Variants in TG observed in about 807,000 individuals in gnomAD.
The protein encoded by TG is thyroglobulin, also known as thyroid hormones.
Under a neutral mutation model 324.7 loss-of-function variants are expected in TG, and 270 were observed. The observed-to-expected ratio is 0.83, with a 90% CI of 0.75 to 0.92. The LOEUF (loss-of-function observed/expected upper bound fraction) is 0.92, where lower values mean the gene tolerates loss of function less well. Ranked by LOEUF, TG falls within the 40% of genes least tolerant of loss-of-function variation. The pLI is 0.00. For missense variants in TG, 3,591 were observed against 3,456.4 expected, an observed-to-expected ratio of 1.04 and a Z score of -0.98; for synonymous variants, 1,401 against 1,327.0, an observed-to-expected ratio of 1.06 and a Z score of -1.21.
chr8:133,046,072 G>T (rs2131161681), intron 41 of TG, among the ~76,000 whole-genome samples: 1 of 152,302 alleles, frequency 6.6e-6, no homozygotes, highest in East Asian at 1.9e-4. Flanking sequence ...ACCTGATATG[G>T]GTTGGTAAGA....
intron 35 of TG, among the ~76,000 whole-genome samples, chr8:133,009,268 G>A (rs1332512569): frequency 6.6e-6 from 1 of 152,142 alleles, no homozygotes; most frequent in Non-Finnish European, 1.5e-5. Context: ...ATGCAGCTCA[G>A]TTTGGTCATG....
intron 45 of TG, among the ~76,000 whole-genome samples, chr8:133,130,775 G>A (rs947607285): frequency 9.2e-5 from 14 of 152,180 alleles, no homozygotes; most frequent in African/African-American, 2.7e-4. Context: ...TGAGTTTGTG[G>A]TAATTTCTTA....
At chr8:132,954,472 C>G (rs1826564868) in intron 27 of TG, among the ~76,000 whole-genome samples, 2 of 152,192 alleles carry the variant, frequency 1.3e-5, no homozygotes, top group Non-Finnish European at 2.9e-5. Flanking sequence ...AGGGTGGACT[C>G]TGAGGCCAGT....
intron 45 of TG, among the ~76,000 whole-genome samples, chr8:133,129,648 C>T (rs1047545240): frequency 6.6e-6 from 1 of 152,104 alleles, no homozygotes; most frequent in Non-Finnish European, 1.5e-5. Flanking sequence ...AGGCACACGG[C>T]ACCACACCCA....
At chr8:132,882,636 G>A (rs1381631038) in intron 7 of TG, 24 bp downstream of exon 7, 1 of 1,614,104 alleles carries the variant, frequency 6.2e-7, no homozygotes, top group Non-Finnish European at 8.5e-7. Flanking sequence ...TGCCAACAAT[G>A]TGCGTGTTTC....
intron 41 of TG, chr8:133,048,911 A>G (rs557860469): frequency 4.6e-6 from 1 of 215,654 alleles, no homozygotes; most frequent in Non-Finnish European, 9.8e-6. Flanking sequence ...GTTTTGCAAG[A>G]TGAGCATGTG....
At position 133,005,063 on chromosome 8, in the gene TG, G is replaced by A. The variant is rs567555246; in HGVS notation, c.6263-6838G>A. 3.3e-5 allele frequency among the ~76,000 whole-genome samples: 5 copies of A among 152,352 alleles called. 1 individual carries two copies. The South Asian group carries it at 6.2e-4, about 19-fold the overall frequency. On this transcript the variant is annotated intron_variant, in intron 35 of 47. Transcript: ENST00000220616. Reference sequence around the variant, plus strand: ...TGAGGAAAGAAAGAACATGGTGTACGAGTGAAAAGGAGCACTGGGGGACAG... The same window carrying A: ...TGAGGAAAGAAAGAACATGGTGTACAAGTGAAAAGGAGCACTGGGGGACAG...
At chr8:133,084,459 G>A (rs764686814) in intron 41 of TG, among the ~76,000 whole-genome samples, 5 of 152,250 alleles carry the variant, frequency 3.3e-5, no homozygotes, top group East Asian at 1.9e-4. Context: ...GAAATAAGAG[G>A]GCAGCCATTG....
At chr8:132,905,491 T>G (rs988455631) in intron 16 of TG, among the ~76,000 whole-genome samples, 5 of 152,256 alleles carry the variant, frequency 3.3e-5, no homozygotes, top group Admixed American at 3.3e-4. Context: ...AGATTGCAGA[T>G]GTTAAGTCAT....
At position 132,896,930 on chromosome 8, in the gene TG, G is replaced by A. The variant is rs747712362; in HGVS notation, c.3002-719G>A. The stretch of plus-strand genomic sequence containing the variant: ...GGGACTGCAAGAGCTGAGGACAGAT[G>A]CAGTTTCATTAGTGGGGTGGCCAGT... On this transcript the variant is annotated intron_variant, in intron 11 of 47. Transcript: ENST00000220616. Among the ~76,000 whole-genome samples, 6 of 152,300 alleles carry A rather than the reference G, an allele frequency of 3.9e-5. No homozygotes were observed. The East Asian group carries it at 7.7e-4, about 20-fold the overall frequency.
chr8:133,074,252 C>T (rs533424224), intron 41 of TG, among the ~76,000 whole-genome samples: 7 of 152,266 alleles, frequency 4.6e-5, no homozygotes, highest in Non-Finnish European at 7.4e-5. Flanking sequence ...TAATTATCTT[C>T]GGCATCTTCT....
chr8:133,059,160 G>A (rs745854995), intron 41 of TG: 1 of 456,218 alleles, frequency 2.2e-6, no homozygotes, highest in South Asian at 1.5e-5. Context: ...GGGCGGTGCT[G>A]CAGGGGCTGC....
rs747985467 is a variant in TG at position 132,867,083 on chromosome 8, A to G, written c.67+16A>G. On this transcript the variant is annotated intron_variant, in intron 1 of 47. Transcript: ENST00000220616. Reference sequence around the variant, plus strand: ...AATATCTTCGGTAAGTTCTGAGGCCATGGAGCCAGGCGGTGGGGAGGGAGC... The same window carrying G: ...AATATCTTCGGTAAGTTCTGAGGCCGTGGAGCCAGGCGGTGGGGAGGGAGC... 3 of 1,590,766 alleles carry G rather than the reference A, an allele frequency of 1.9e-6. No individual in the cohort carries two copies. The highest frequency in any genetic ancestry group is 2.6e-6 in the Non-Finnish European group (3 of 1,166,714).
intron 21 of TG, 73 bp from the exon 22 acceptor site, chr8:132,923,265 G>A (rs1005011109): frequency 2.3e-5 from 36 of 1,551,368 alleles, no homozygotes; most frequent in Non-Finnish European, 2.6e-5. Context: ...GTCAATGACC[G>A]AGAGCCTGGG....
chr8:132,900,756 C>T (rs545669550), intron 15 of TG, among the ~76,000 whole-genome samples: 22 of 151,364 alleles, frequency 1.5e-4, no homozygotes, highest in African/African-American at 4.7e-4. Flanking sequence ...TCTTCGGGGC[C>T]GTGCTTGAGC....
Position 133,017,797 on chromosome 8 carries a change from T to C in TG, c.6582T>C (p.Tyr2194=), listed in dbSNP as rs764323876. 3 of 1,614,234 alleles carry C rather than the reference T, an allele frequency of 1.9e-6. No homozygotes were observed. The highest frequency in any genetic ancestry group is 1.1e-5 in the South Asian group (1 of 91,092). ...YRKPGISLLS[Y]EASVPSVPIS... ...CAACAGGAATCTCTCTGCTCAGCTA[T>C]GAGGCATCTGTACCTTCTGTGCCCA... The change falls in exon 38 of 48, where the codon TAT becomes TAC. Residue 2194 remains tyrosine, a synonymous_variant. Transcript: ENST00000220616.
chr8:133,041,266 C>G (rs1318339889), intron 41 of TG, among the ~76,000 whole-genome samples: 2 of 152,256 alleles, frequency 1.3e-5, no homozygotes, highest in South Asian at 2.1e-4. Context: ...ACAGGCCCCA[C>G]TTCCCATCGG....
intron 43 of TG, among the ~76,000 whole-genome samples, chr8:133,101,947 G>A (rs1204790892): frequency 6.6e-6 from 1 of 152,180 alleles, no homozygotes; most frequent in African/African-American, 2.4e-5. Flanking sequence ...TTGCAATCAC[G>A]AGCATCCAAG....
At chr8:133,077,733 GTA>G (rs915260105) in intron 41 of TG, among the ~76,000 whole-genome samples, 2 of 84,786 alleles carry the variant, frequency 2.4e-5, no homozygotes, top group Admixed American at 2.5e-4. Flanking sequence ...TCTCTGGTGT[GTA>G]TGTGTGTGTG....
Sources: gnomAD v4.1 joint callset for allele counts (sites outside exome capture counted in the v4.1 genomes callset) on GRCh38, gnomAD v4.1.1 for gene constraint, MANE v1.5 for transcripts, NCBI Gene and HGNC (gene_info 2026-07-23, HGNC 2026-07-21) for gene names.